The following CCDC91 variants were observed in gnomAD, a reference collection of about 807,000 sequenced individuals.
CCDC91 encodes the protein coiled-coil domain-containing protein 91.
A neutral mutation model predicts 63.2 loss-of-function variants in CCDC91; 48 were observed. The ratio of observed to expected loss-of-function variants is 0.76; its 90% CI spans 0.60 to 0.97. CCDC91 has a LOEUF of 0.97. Among genes scored for constraint, CCDC91 ranks in the 50% least tolerant of loss-of-function variants. The pLI is 0.00. For synonymous variants in CCDC91, 167 were observed against 165.8 expected (o/e 1.01, Z -0.06); for missense variants, 500 against 494.6 (o/e 1.01, Z -0.10).
At chr12:28,511,778 A>C (rs2141285622) in intron 12 of CCDC91, among the ~76,000 whole-genome samples, 1 of 151,982 alleles carries the variant, frequency 6.6e-6, no homozygotes, top group African/African-American at 2.4e-5. Context: ...TGGAAAAAAA[A>C]TGATGTGGTC....
intron 12 of CCDC91, among the ~76,000 whole-genome samples, chr12:28,509,773 A>G (rs999800804): frequency 1.3e-5 from 2 of 151,854 alleles, no homozygotes; most frequent in African/African-American, 2.4e-5. Context: ...GAGTGGGGAG[A>G]AGAAGGAAAC....
intron 1 of CCDC91, among the ~76,000 whole-genome samples, chr12:28,196,086 C>T (rs1261287635): frequency 6.6e-6 from 1 of 152,222 alleles, no homozygotes; most frequent in Non-Finnish European, 1.5e-5. Context: ...GCCTCTGCAA[C>T]AGAGAGAGCC....
chr12:28,243,308 A>G (rs1223603372), intron 1 of CCDC91, among the ~76,000 whole-genome samples: 1 of 152,192 alleles, frequency 6.6e-6, no homozygotes, highest in Non-Finnish European at 1.5e-5. Context: ...ATCTGGAACA[A>G]CAACATAGAG....
At chr12:28,372,720 A>G (rs1944699633) in intron 7 of CCDC91, among the ~76,000 whole-genome samples, 1 of 152,052 alleles carries the variant, frequency 6.6e-6, no homozygotes, top group Non-Finnish European at 1.5e-5. Context: ...CAAATCTAAG[A>G]GTTTTTTGGA....
intron 3 of CCDC91, among the ~76,000 whole-genome samples, chr12:28,286,067 C>T (rs1002393483): frequency 6.6e-6 from 1 of 151,784 alleles, no homozygotes; most frequent in Non-Finnish European, 1.5e-5. Context: ...TCTTTTTCTA[C>T]AGTATGCTTT....
intron 3 of CCDC91, among the ~76,000 whole-genome samples, chr12:28,273,719 C>G (rs1244299086): frequency 6.6e-6 from 1 of 151,966 alleles, no homozygotes; most frequent in Non-Finnish European, 1.5e-5. Flanking sequence ...TGTTTGAGTT[C>G]ATTGTAGATT....
chr12:28,327,049 T>G (rs1332762796), intron 6 of CCDC91, among the ~76,000 whole-genome samples: 2 of 152,106 alleles, frequency 1.3e-5, no homozygotes, highest in Non-Finnish European at 2.9e-5. Context: ...TGTTCTGAAA[T>G]GGGCAGAGAA....
intron 12 of CCDC91, among the ~76,000 whole-genome samples, chr12:28,546,743 AG>A (rs1943015794): frequency 6.6e-6 from 1 of 152,038 alleles, no homozygotes; most frequent in South Asian, 2.1e-4. Flanking sequence ...ACGGTTTAAA[AG>A]GAAAAAAAAA....
chr12:28,222,852 T>G (rs1944036463), intron 1 of CCDC91, among the ~76,000 whole-genome samples: 1 of 152,216 alleles, frequency 6.6e-6, no homozygotes, highest in Admixed American at 6.5e-5. Context: ...CTTAGTACTT[T>G]GGTCTTTTTA....
intron 1 of CCDC91, among the ~76,000 whole-genome samples, chr12:28,229,280 T>G (rs1266394319): frequency 1.3e-5 from 2 of 152,088 alleles, no homozygotes; most frequent in African/African-American, 4.8e-5. Flanking sequence ...TTGGGCTAAT[T>G]TCTTCATAGC....
intron 6 of CCDC91, among the ~76,000 whole-genome samples, chr12:28,318,403 AT>A (rs1220576728): frequency 6.6e-6 from 1 of 151,656 alleles, no homozygotes; most frequent in African/African-American, 2.4e-5. Context: ...GCTGCTGGGC[AT>A]GGTGTGTGCA....
intron 1 of CCDC91, chr12:28,191,220 T>C (rs1941209791): frequency 1.3e-5 from 2 of 152,260 alleles, no homozygotes; most frequent in African/African-American, 4.8e-5. Flanking sequence ...AATAAAGATA[T>C]TTTCTCCATC....
At chr12:28,384,856 G>A (rs913114076) in intron 7 of CCDC91, among the ~76,000 whole-genome samples, 2 of 151,940 alleles carry the variant, frequency 1.3e-5, no homozygotes, top group East Asian at 1.9e-4. Flanking sequence ...AAACGACTGC[G>A]ATTCATCATT....
At chr12:28,263,180 C>T (rs1323590673) in intron 3 of CCDC91, among the ~76,000 whole-genome samples, 2 of 151,862 alleles carry the variant, frequency 1.3e-5, no homozygotes, top group South Asian at 2.1e-4. Context: ...TTGAGTTTAC[C>T]GTTCTTTTAC....
intron 6 of CCDC91, among the ~76,000 whole-genome samples, chr12:28,323,843 G>C (rs866329832): frequency 3.3e-5 from 5 of 151,892 alleles, no homozygotes; most frequent in Non-Finnish European, 7.4e-5. Context: ...AACATGACCT[G>C]TGTGAAAAAC....
chr12:28,441,610 T>C (rs1949213599), intron 8 of CCDC91, among the ~76,000 whole-genome samples: 1 of 148,274 alleles, frequency 6.7e-6, no homozygotes, highest in Non-Finnish European at 1.5e-5. Flanking sequence ...TATACATATA[T>C]ATATATATAT....
chr12:28,412,712 C>T (rs1446195519), intron 8 of CCDC91: 2 of 452,748 alleles, frequency 4.4e-6, no homozygotes, highest in Admixed American at 2.4e-5. Context: ...CAGCTTTTAT[C>T]CCCTTATTGT....
chr12:28,443,238 CAAAA>C (rs1262273114), intron 8 of CCDC91, among the ~76,000 whole-genome samples: 1 of 82,258 alleles, frequency 1.2e-5, no homozygotes, highest in Non-Finnish European at 2.7e-5. Flanking sequence ...GAGTCCTAGG[CAAAA>C]AAAAAAAAAA....
chr12:28,195,930 C>T (rs1358996297), intron 1 of CCDC91, among the ~76,000 whole-genome samples: 10 of 152,074 alleles, frequency 6.6e-5, no homozygotes, highest in African/African-American at 1.7e-4. Flanking sequence ...CATGGCAAAA[C>T]CGCATCTCTA....
Sources: allele counts gnomAD v4.1 joint callset (sites outside exome capture counted in the v4.1 genomes callset), GRCh38; gene constraint gnomAD v4.1.1; transcripts MANE v1.5; gene names NCBI Gene and HGNC (gene_info 2026-07-23, HGNC 2026-07-21).